Variants in GPC5 observed in about 807,000 individuals in gnomAD.
The protein encoded by GPC5 is glypican 5.
Under a neutral mutation model 53.9 loss-of-function variants are expected in GPC5, and 47 were observed. The ratio of observed to expected loss-of-function variants is 0.87; its 90% CI spans 0.69 to 1.11. GPC5 has a LOEUF of 1.11. GPC5 is among the 50% of genes most tolerant of loss of function. The pLI, the probability that GPC5 is intolerant of heterozygous loss-of-function variation, is 0.00. For missense variants in GPC5, 748 were observed against 713.1 expected, an observed-to-expected ratio of 1.05 and a Z score of -0.56; for synonymous variants, 286 against 263.3, an observed-to-expected ratio of 1.09 and a Z score of -0.84.
intron 6 of GPC5, among the ~76,000 whole-genome samples, chr13:91,944,262 AT>A (rs1057368584): frequency 6.6e-6 from 1 of 151,554 alleles, no homozygotes; most frequent in Non-Finnish European, 1.5e-5. Flanking sequence ...CGCCCAGCTA[AT>A]TTTTTTGTAT....
At chr13:92,740,206 T>C (rs937719394) in intron 7 of GPC5, among the ~76,000 whole-genome samples, 2 of 152,036 alleles carry the variant, frequency 1.3e-5, no homozygotes, top group Admixed American at 6.6e-5. Flanking sequence ...ACCCTCCCAC[T>C]TTCTTTAGGT....
intron 2 of GPC5, among the ~76,000 whole-genome samples, chr13:91,473,722 G>A (rs926734764): frequency 6.6e-6 from 1 of 152,086 alleles, no homozygotes; most frequent in Non-Finnish European, 1.5e-5. Flanking sequence ...TATACTCTAA[G>A]AATAGTAAGA....
chr13:91,431,967 G>C (rs1005768711), intron 1 of GPC5, among the ~76,000 whole-genome samples: 2 of 152,194 alleles, frequency 1.3e-5, no homozygotes. Flanking sequence ...TTAATTTCAT[G>C]TGCCAGATGG....
chr13:92,572,506 A>T (rs1883061517), intron 7 of GPC5, among the ~76,000 whole-genome samples: 1 of 152,174 alleles, frequency 6.6e-6, no homozygotes, highest in South Asian at 2.1e-4. Flanking sequence ...AGGAAGGCAC[A>T]CTGATGTCAC....
chr13:91,819,240 A>G (rs1199312928), intron 5 of GPC5, among the ~76,000 whole-genome samples: 1 of 131,496 alleles, frequency 7.6e-6, no homozygotes, highest in Admixed American at 9.4e-5. Flanking sequence ...GCTCACTGCA[A>G]CCTCCACCTC....
At chr13:92,683,021 T>C (rs1887154055) in intron 7 of GPC5, among the ~76,000 whole-genome samples, 1 of 152,090 alleles carries the variant, frequency 6.6e-6, no homozygotes, top group African/African-American at 2.4e-5. Context: ...GTTATGACCC[T>C]GAGGTGTGAG....
At chr13:92,575,805 G>A (rs1027713896) in intron 7 of GPC5, among the ~76,000 whole-genome samples, 2 of 152,098 alleles carry the variant, frequency 1.3e-5, no homozygotes, top group African/African-American at 2.4e-5. Flanking sequence ...TTTAACTCCA[G>A]TGTATCTTCA....
intron 2 of GPC5, among the ~76,000 whole-genome samples, chr13:91,464,663 C>T (rs1352736413): frequency 6.6e-6 from 1 of 151,950 alleles, no homozygotes; most frequent in Admixed American, 6.6e-5. Flanking sequence ...AGTTGTGGTT[C>T]CCTGGGGTTA....
At chr13:92,204,859 TGTTTGTTTTTTG>T (rs1464501625) in intron 7 of GPC5, among the ~76,000 whole-genome samples, 14 of 152,220 alleles carry the variant, frequency 9.2e-5, no homozygotes, top group East Asian at 1.9e-4. Context: ...GAGGTTTTTT[TGTTTGTTTTTTG>T]GTTTTTGTTT....
At chr13:92,653,264 G>A (rs560064247) in intron 7 of GPC5, among the ~76,000 whole-genome samples, 1 of 152,146 alleles carries the variant, frequency 6.6e-6, no homozygotes, top group African/African-American at 2.4e-5. Flanking sequence ...GACAATTATT[G>A]GTTGATGGCT....
At chr13:91,770,655 C>T (rs1181156240) in intron 5 of GPC5, among the ~76,000 whole-genome samples, 1 of 151,440 alleles carries the variant, frequency 6.6e-6, no homozygotes, top group African/African-American at 2.4e-5. Context: ...AAAATTATCC[C>T]AGTCGCCGCT....
At chr13:92,797,277 C>T (rs1021590887) in intron 7 of GPC5, among the ~76,000 whole-genome samples, 2 of 151,894 alleles carry the variant, frequency 1.3e-5, no homozygotes, top group Admixed American at 6.6e-5. Context: ...TAAGACTCAA[C>T]AAAAATTACC....
At chr13:92,526,493 G>T (rs1329187235) in intron 7 of GPC5, among the ~76,000 whole-genome samples, 1 of 152,070 alleles carries the variant, frequency 6.6e-6, no homozygotes, top group Non-Finnish European at 1.5e-5. Context: ...AGACAGGAGA[G>T]CAGGAGCCAG....
In GPC5 at chr13:92,035,755, T is replaced by TAAAAA. The variant is rs67401983; in HGVS notation, c.1402-109067_1402-109063dup. Reference sequence around the variant, plus strand: ...CAGATGTTTCTTTCTGAGGAAATGTTAAAAAAAAAAAACAAAAAAAACAAT... The same window carrying TAAAAA: ...CAGATGTTTCTTTCTGAGGAAATGTTAAAAAAAAAAAAAAAAACAAAAAAAACAAT... On this transcript the variant is annotated intron_variant, in intron 6 of 7. Transcript: ENST00000377067. Among the ~76,000 whole-genome samples, 137 of 129,450 alleles carry TAAAAA rather than the reference T, an allele frequency of 1.1e-3. 1 individual carries two copies. Among genetic ancestry groups the TAAAAA allele is most frequent in the African/African-American group, 3.5e-3 (122 of 35,058 alleles). 84.9% of individuals were successfully genotyped at this position (129,450 alleles called of 152,430 possible). A position where few individuals can be genotyped will look rare whatever the true frequency, so the allele number is the denominator to read the frequency against.
chr13:91,788,710 T>C (rs992049601), intron 5 of GPC5, among the ~76,000 whole-genome samples: 19 of 152,282 alleles, frequency 1.2e-4, no homozygotes, highest in African/African-American at 3.9e-4. Context: ...TCTGAGAAAA[T>C]GTTATTGAAG....
chr13:92,243,403 A>C (rs538192088), intron 7 of GPC5, among the ~76,000 whole-genome samples: 12 of 152,336 alleles, frequency 7.9e-5, no homozygotes, highest in African/African-American at 2.9e-4. Context: ...AAGAGAAGTC[A>C]GAGTAGAAAT....
intron 7 of GPC5, among the ~76,000 whole-genome samples, chr13:92,703,497 A>G (rs1440679511): frequency 1.3e-5 from 2 of 151,550 alleles, no homozygotes; most frequent in East Asian, 3.9e-4. Flanking sequence ...TTTGTCATAT[A>G]GAACTCTTTG....
At chr13:92,802,100 A>G (rs1447423299) in intron 7 of GPC5, among the ~76,000 whole-genome samples, 1 of 149,456 alleles carries the variant, frequency 6.7e-6, no homozygotes, top group Non-Finnish European at 1.5e-5. Flanking sequence ...AGTCCTGCAA[A>G]TCTCCATTAA....
intron 2 of GPC5, among the ~76,000 whole-genome samples, chr13:91,468,002 T>C (rs1455024124): frequency 6.6e-6 from 1 of 152,162 alleles, no homozygotes; most frequent in African/African-American, 2.4e-5. Flanking sequence ...AAGATTAAGT[T>C]CTTTATGCAT....
Sources: gnomAD v4.1 joint callset for allele counts (sites outside exome capture counted in the v4.1 genomes callset) on GRCh38, gnomAD v4.1.1 for gene constraint, MANE v1.5 for transcripts, NCBI Gene and HGNC (gene_info 2026-07-23, HGNC 2026-07-21) for gene names.